The following FYN variants were observed in gnomAD, a reference collection of about 807,000 sequenced individuals.
FYN encodes tyrosine-protein kinase Fyn.
A neutral mutation model predicts 70.2 loss-of-function variants in FYN; 10 were observed. The observed-to-expected ratio is 0.14, with a 90% CI of 0.09 to 0.24. The LOEUF (loss-of-function observed/expected upper bound fraction) is 0.24, where lower values mean the gene tolerates loss of function less well. Among genes scored for constraint, FYN ranks in the 10% least tolerant of loss-of-function variants. FYN has a pLI of 1.00. For synonymous variants in FYN, 236 were observed against 248.6 expected (o/e 0.95, Z 0.48); for missense variants, 319 against 673.1 (o/e 0.47, Z 5.82).
intron 2 of FYN, among the ~76,000 whole-genome samples, chr6:111,803,401 T>C (rs549048329): frequency 1.3e-5 from 2 of 152,148 alleles, no homozygotes; most frequent in South Asian, 2.1e-4. Flanking sequence ...ACCGGTAACA[T>C]TAATAAATGT....
chr6:111,777,462 C>T (rs1229516910), intron 3 of FYN, among the ~76,000 whole-genome samples: 1 of 151,966 alleles, frequency 6.6e-6, no homozygotes, highest in African/African-American at 2.4e-5. Flanking sequence ...ATTTCGGGCC[C>T]GATTATTCTG....
chr6:111,744,806 A>C (rs1288839316), intron 3 of FYN, among the ~76,000 whole-genome samples: 1 of 152,198 alleles, frequency 6.6e-6, no homozygotes, highest in Non-Finnish European at 1.5e-5. Context: ...AAAAACCCCC[A>C]AAATACAAAT....
intron 3 of FYN, among the ~76,000 whole-genome samples, chr6:111,732,264 C>G (rs1403389052): frequency 6.6e-6 from 1 of 152,192 alleles, no homozygotes; most frequent in African/African-American, 2.4e-5. Flanking sequence ...TTCACTTGGC[C>G]TATGAATGAG....
At chr6:111,675,926 G>A (rs1196962134) in intron 12 of FYN, among the ~76,000 whole-genome samples, 3 of 151,986 alleles carry the variant, frequency 2.0e-5, no homozygotes, top group Non-Finnish European at 4.4e-5. Flanking sequence ...GTATTTTACT[G>A]AACAAACTAA....
chr6:111,780,804 C>T (rs10456876), intron 2 of FYN, among the ~76,000 whole-genome samples, 169 bp from the exon 3 acceptor site: 67,376 of 152,046 alleles, frequency 0.44, 15,242 homozygotes, highest in East Asian at 0.7. Context: ...GAAGATGAAA[C>T]CAATTTACAA....
chr6:111,663,390 G>A (rs1253976310), intron 13 of FYN, among the ~76,000 whole-genome samples: 1 of 152,208 alleles, frequency 6.6e-6, no homozygotes, highest in African/African-American at 2.4e-5. Context: ...CGCTGGGCCA[G>A]AGCACAGCCT....
chr6:111,680,086 G>T (rs916421159), intron 12 of FYN, among the ~76,000 whole-genome samples: 5 of 152,174 alleles, frequency 3.3e-5, no homozygotes, highest in African/African-American at 1.2e-4. Flanking sequence ...TTAAAATAAA[G>T]TTAATAATCA....
At chr6:111,843,291 C>T (rs776506092) in intron 2 of FYN, among the ~76,000 whole-genome samples, 6 of 152,320 alleles carry the variant, frequency 3.9e-5, no homozygotes, top group South Asian at 4.1e-4. Context: ...CCTTTTAAAT[C>T]ACTAAATAGG....
chr6:111,716,385 TTTTTG>T (rs762755263), intron 4 of FYN, among the ~76,000 whole-genome samples: 4 of 152,198 alleles, frequency 2.6e-5, no homozygotes, highest in Non-Finnish European at 5.9e-5. Context: ...GATAAATTTG[TTTTTG>T]TTTTATTTTT....
intron 2 of FYN, 117 bp downstream of exon 2, chr6:111,846,472 A>T (rs539461487): frequency 7.5e-6 from 3 of 398,276 alleles, no homozygotes; most frequent in Non-Finnish European, 8.9e-6. Context: ...TCTCTTAGAA[A>T]TCTATGGACT....
chr6:111,663,841 G>A (rs1225370325), intron 13 of FYN, among the ~76,000 whole-genome samples: 1 of 151,888 alleles, frequency 6.6e-6, no homozygotes, highest in Admixed American at 6.6e-5. Flanking sequence ...GGATGGGGGC[G>A]GGGAGCTGGA....
chr6:111,839,399 TAAG>T (rs1300858685), intron 2 of FYN, among the ~76,000 whole-genome samples: 1 of 152,096 alleles, frequency 6.6e-6, no homozygotes, highest in Non-Finnish European at 1.5e-5. Flanking sequence ...AATTCATACT[TAAG>T]AAGTCCTAAG....
At chr6:111,779,267 C>T (rs575471117) in intron 3 of FYN, among the ~76,000 whole-genome samples, 2 of 151,960 alleles carry the variant, frequency 1.3e-5, no homozygotes, top group African/African-American at 4.8e-5. Flanking sequence ...TGCAATGCCA[C>T]GGCTGAGTTT....
At chr6:111,668,127 A>C (rs1470656687) in intron 13 of FYN, among the ~76,000 whole-genome samples, 1 of 152,218 alleles carries the variant, frequency 6.6e-6, no homozygotes, top group East Asian at 1.9e-4. Context: ...AGGGGTGTTA[A>C]TGGTGCTTGC....
intron 3 of FYN, among the ~76,000 whole-genome samples, chr6:111,760,191 T>TA (rs1473658821): frequency 6.6e-6 from 1 of 151,982 alleles, no homozygotes; most frequent in Non-Finnish European, 1.5e-5. Flanking sequence ...ACCAGCAGCA[T>TA]AATACAGCCA....
chr6:111,741,248 T>C (rs902239937), intron 3 of FYN, among the ~76,000 whole-genome samples: 3 of 152,204 alleles, frequency 2.0e-5, no homozygotes, highest in Non-Finnish European at 4.4e-5. Flanking sequence ...TTCTTGTTTA[T>C]TATCTACCTC....
chr6:111,851,090 A>T (rs1773673078), intron 1 of FYN, among the ~76,000 whole-genome samples: 1 of 152,146 alleles, frequency 6.6e-6, no homozygotes, highest in Non-Finnish European at 1.5e-5. Context: ...GTTCAAAATG[A>T]GGGGCACGTG....
intron 13 of FYN, among the ~76,000 whole-genome samples, chr6:111,664,679 C>T (rs961314943): frequency 6.6e-6 from 1 of 152,068 alleles, no homozygotes; most frequent in South Asian, 2.1e-4. Context: ...CCTGGCAGAC[C>T]CACATGGTCA....
chr6:111,725,299 A>AC (rs1331488884), intron 3 of FYN, among the ~76,000 whole-genome samples: 2 of 152,212 alleles, frequency 1.3e-5, no homozygotes. Context: ...GTTGAGTACC[A>AC]CATCAGCAGC....
Sources: allele counts gnomAD v4.1 joint callset (sites outside exome capture counted in the v4.1 genomes callset), GRCh38; gene constraint gnomAD v4.1.1; transcripts MANE v1.5; gene names NCBI Gene and HGNC (gene_info 2026-07-23, HGNC 2026-07-21).